METTL25: variants seen among roughly 807,000 people sequenced by gnomAD.
METTL25 encodes the protein probable methyltransferase-like protein 25.
A neutral mutation model predicts 71.6 loss-of-function variants in METTL25; 64 were observed. That is an observed-to-expected ratio of 0.89 (90% CI 0.73 to 1.10). METTL25 has a LOEUF of 1.10. METTL25 is among the 50% of genes least tolerant of loss of function. The probability of loss-of-function intolerance (pLI) is 0.00; values close to 1 mark genes in which losing one functional copy is unlikely to be tolerated. For synonymous variants in METTL25, 287 were observed against 250.3 expected (o/e 1.15, Z -1.38); for missense variants, 807 against 707.0 (o/e 1.14, Z -1.60).
chr12:82,465,521 T>C (rs1892172103), intron 9 of METTL25, among the ~76,000 whole-genome samples: 2 of 152,030 alleles, frequency 1.3e-5, no homozygotes, highest in Non-Finnish European at 2.9e-5. Flanking sequence ...TGATAATTTT[T>C]GTGTGTAATG....
intron 5 of METTL25, among the ~76,000 whole-genome samples, chr12:82,404,752 G>A (rs577879230): frequency 1.3e-5 from 2 of 152,208 alleles, no homozygotes; most frequent in South Asian, 4.2e-4. Flanking sequence ...AGACCAGCCT[G>A]GCCAACATGG....
chr12:82,462,941 T>G (rs539019269), intron 9 of METTL25, among the ~76,000 whole-genome samples: 1 of 152,090 alleles, frequency 6.6e-6, no homozygotes, highest in South Asian at 2.1e-4. Flanking sequence ...TTTTTTATTT[T>G]TTAAATGGAC....
At chr12:82,359,145 T>C (rs1385086377) in intron 1 of METTL25, among the ~76,000 whole-genome samples, 1 of 152,186 alleles carries the variant, frequency 6.6e-6, no homozygotes, top group East Asian at 1.9e-4. Context: ...CTCACAGGTT[T>C]TATAAATGCC....
intron 1 of METTL25, among the ~76,000 whole-genome samples, chr12:82,381,095 A>G (rs1884399935): frequency 6.6e-6 from 1 of 152,236 alleles, no homozygotes; most frequent in South Asian, 2.1e-4. Flanking sequence ...ACTAAGTCTC[A>G]TAGACAATCG....
Position 82,399,093 on chromosome 12 carries a change from T to A in METTL25, c.830T>A (p.Ile277Asn), listed in dbSNP as rs1156917764. ...TNQEKMPTSA[I>N]LPDFSGSVIS... The stretch of plus-strand genomic sequence containing the variant: ...CAAGAAAAGATGCCTACCTCAGCTA[T>A]TTTGCCTGATTTTTCTGGCTCTGTA... The change falls in exon 4 of 12, where the codon ATT becomes AAT. Residue 277 changes from isoleucine to asparagine, a missense_variant. Ile to Asn is a moderately radical substitution (Grantham distance 149, BLOSUM62 -3). Coordinates refer to ENST00000248306, the MANE Select transcript of METTL25 (RefSeq NM_032230.3). 3.7e-6 allele frequency: 6 copies of A among 1,613,552 alleles called. No homozygotes were observed. Among genetic ancestry groups the A allele is most frequent in the Non-Finnish European group, 5.1e-6 (6 of 1,179,670 alleles).
chr12:82,420,965 G>T (rs566205928), intron 5 of METTL25, among the ~76,000 whole-genome samples: 1 of 152,032 alleles, frequency 6.6e-6, no homozygotes, highest in African/African-American at 2.4e-5. Context: ...AGGTTCAAGA[G>T]ATTCTCCTGC....
At chr12:82,368,178 G>T (rs150055620) in intron 1 of METTL25, among the ~76,000 whole-genome samples, 3 of 151,708 alleles carry the variant, frequency 2.0e-5, no homozygotes, top group Non-Finnish European at 4.4e-5. Context: ...TCTTGCACAG[G>T]GCATTTAACT....
chr12:82,397,226 T>G (rs961389518), intron 3 of METTL25, among the ~76,000 whole-genome samples: 2 of 152,114 alleles, frequency 1.3e-5, no homozygotes, highest in African/African-American at 4.8e-5. Context: ...GTGGTGGTTG[T>G]TTGTATTTCT....
At position 82,462,460 on chromosome 12, in the gene METTL25, G is replaced by A. The variant is rs201159767; in HGVS notation, c.1572+5640G>A. On this transcript the variant is annotated intron_variant, in intron 9 of 11. Coordinates refer to ENST00000248306, the MANE Select transcript of METTL25 (RefSeq NM_032230.3). Reference sequence around the variant, plus strand: ...GCTTCTGCATATGTGAGAACATACCGTATTTAATGTTCTGATCCTGGCTTA... The same window carrying A: ...GCTTCTGCATATGTGAGAACATACCATATTTAATGTTCTGATCCTGGCTTA... Among the ~76,000 whole-genome samples the A allele has an allele frequency of 1.6e-4, 25 of 152,014 alleles. No homozygotes were observed. The East Asian group carries it at 4.1e-3, about 25-fold the overall frequency.
intron 1 of METTL25, among the ~76,000 whole-genome samples, chr12:82,365,981 T>C (rs1002244277): frequency 5.3e-5 from 8 of 151,518 alleles, no homozygotes; most frequent in African/African-American, 1.9e-4. Flanking sequence ...ACTCGGGAGG[T>C]TGAGGCAGGA....
At chr12:82,373,996 A>C (rs373498744) in intron 1 of METTL25, 13 of 154,992 alleles carry the variant, frequency 8.4e-5, no homozygotes, top group African/African-American at 3.1e-4. Context: ...TGTGATCGCC[A>C]AAATGTGTCC....
chr12:82,424,599 A>G (rs1888844420), intron 5 of METTL25, among the ~76,000 whole-genome samples: 1 of 151,984 alleles, frequency 6.6e-6, no homozygotes, highest in African/African-American at 2.4e-5. Flanking sequence ...GATCTCACAG[A>G]AGACTATAGG....
Position 82,449,056 on chromosome 12 carries a change from A to G in METTL25, c.1479-7671A>G, listed in dbSNP as rs1453997301. 2.0e-5 allele frequency among the ~76,000 whole-genome samples: 3 copies of G among 152,316 alleles called. No homozygotes were observed. The East Asian group carries it at 5.8e-4, about 29-fold the overall frequency. ...GTTACAAGTAAACCATGTTCTTACA[A>G]TTGCATTTTTGGAGAAGCATGTGGG... On this transcript the variant is annotated intron_variant, in intron 8 of 11. Transcript: ENST00000248306.
At chr12:82,367,873 A>G (rs1882738262) in intron 1 of METTL25, among the ~76,000 whole-genome samples, 1 of 152,176 alleles carries the variant, frequency 6.6e-6, no homozygotes, top group African/African-American at 2.4e-5. Flanking sequence ...AGTGTCAGTC[A>G]CACATAGTTT....
intron 8 of METTL25, among the ~76,000 whole-genome samples, chr12:82,454,600 A>G (rs548298253): frequency 1.3e-5 from 2 of 152,152 alleles, no homozygotes; most frequent in African/African-American, 4.8e-5. Flanking sequence ...TATAATAACC[A>G]TACTGTGATA....
rs759701901 is a variant in METTL25, at chr12:82,456,708, A to T, written c.1479-19A>T. 1.4e-6 allele frequency: 2 copies of T among 1,448,866 alleles called. No homozygotes were observed. Among genetic ancestry groups the T allele is most frequent in the Non-Finnish European group, 1.9e-6 (2 of 1,059,544 alleles). 89.8% of individuals were successfully genotyped at this position (1,448,866 alleles called of 1,614,324 possible). On this transcript the variant is annotated intron_variant, in intron 8 of 11. Coordinates refer to ENST00000248306, the MANE Select transcript of METTL25 (RefSeq NM_032230.3). ...TTTACATTGGAAAAACTAAAAATTT[A>T]TTCAATTTTGTTTTACAGTGATCGG...
chr12:82,369,427 A>G (rs1882949283), intron 1 of METTL25: 1 of 446,530 alleles, frequency 2.2e-6, no homozygotes, highest in Non-Finnish European at 4.5e-6. Context: ...GAAGCCACGG[A>G]CCTTTGCGGT....
At chr12:82,389,139 T>C (rs1019993572) in intron 2 of METTL25, among the ~76,000 whole-genome samples, 1 of 152,094 alleles carries the variant, frequency 6.6e-6, no homozygotes, top group Non-Finnish European at 1.5e-5. Context: ...TAATATACTT[T>C]ATAATGTGTA....
At chr12:82,414,116 G>A (rs1404936097) in intron 5 of METTL25, among the ~76,000 whole-genome samples, 1 of 152,036 alleles carries the variant, frequency 6.6e-6, no homozygotes, top group South Asian at 2.1e-4. Context: ...TGTAGGTATT[G>A]TTCTTTGCAA....
Sources: gnomAD v4.1 joint callset for allele counts (sites outside exome capture counted in the v4.1 genomes callset) on GRCh38, gnomAD v4.1.1 for gene constraint, MANE v1.5 for transcripts, NCBI Gene and HGNC (gene_info 2026-07-23, HGNC 2026-07-21) for gene names.